The following ARL15 variants were observed in gnomAD, a reference collection of about 807,000 sequenced individuals.
The protein encoded by ARL15 is ARF like GTPase 15.
Under a neutral mutation model 25.2 loss-of-function variants are expected in ARL15, and 19 were observed. That is an observed-to-expected ratio of 0.75 (90% CI 0.53 to 1.10). The LOEUF is 1.10. Ranked by LOEUF, ARL15 falls within the 50% of genes least tolerant of loss-of-function variation. The pLI, the probability that ARL15 is intolerant of heterozygous loss-of-function variation, is 0.00. For missense variants in ARL15, 220 were observed against 246.0 expected, an observed-to-expected ratio of 0.89 and a Z score of 0.71; for synonymous variants, 94 against 86.8, an observed-to-expected ratio of 1.08 and a Z score of -0.46.
At chr5:54,153,874 A>G (rs552660303) in intron 3 of ARL15, among the ~76,000 whole-genome samples, 27 of 152,182 alleles carry the variant, frequency 1.8e-4, no homozygotes, top group African/African-American at 6.3e-4. Flanking sequence ...GTGATTAAAG[A>G]GATGGAAGAT....
At chr5:53,910,633 T>TATATATATATA (rs1491507286) in intron 4 of ARL15, among the ~76,000 whole-genome samples, 5 of 55,000 alleles carry the variant, frequency 9.1e-5, no homozygotes, top group African/African-American at 2.2e-4. Context: ...TAAAAAAAAA[T>TATATATATATA]TATATATATA....
chr5:54,076,225 G>A (rs1404244621), intron 4 of ARL15, among the ~76,000 whole-genome samples: 1 of 150,996 alleles, frequency 6.6e-6, no homozygotes, highest in Non-Finnish European at 1.5e-5. Context: ...GACCATCCTG[G>A]CTAATACAGT....
chr5:54,041,796 A>AGGAACTCTGAATCAG (rs1486431513), intron 4 of ARL15, among the ~76,000 whole-genome samples: 2 of 152,216 alleles, frequency 1.3e-5, no homozygotes, highest in African/African-American at 2.4e-5. Context: ...TTGACGCCCC[A>AGGAACTCTGAATCAG]GGAACTCTGA....
Position 54,122,453 on chromosome 5 carries a change from C to G in ARL15, c.254-9043G>C, listed in dbSNP as rs1013023987. ...CATGCGTGCGCAATGTGCGTGTATA[C>G]GCATACCTTTGAGAGATGATGTTAC... On this transcript the variant is annotated intron_variant, in intron 3 of 4. Coordinates refer to ENST00000504924, the MANE Select transcript of ARL15 (RefSeq NM_019087.3). Among the ~76,000 whole-genome samples the G allele has an allele frequency of 1.3e-5, 2 of 152,246 alleles. 1 individual carries two copies. Among genetic ancestry groups the G allele is most frequent in the South Asian group, 4.1e-4 (2 of 4,832 alleles).
chr5:54,208,218 C>A (rs1462854745), intron 1 of ARL15, among the ~76,000 whole-genome samples: 1 of 152,108 alleles, frequency 6.6e-6, no homozygotes, highest in Admixed American at 6.5e-5. Flanking sequence ...CTCACTCTTG[C>A]ACACAGAACT....
intron 3 of ARL15, among the ~76,000 whole-genome samples, chr5:54,145,109 TA>T (rs1198889326): frequency 6.6e-6 from 1 of 152,200 alleles, no homozygotes; most frequent in Non-Finnish European, 1.5e-5. Context: ...GAATTTTGGC[TA>T]TGGAAGAAAA....
chr5:54,051,842 T>C (rs1411786963), intron 4 of ARL15, among the ~76,000 whole-genome samples: 1 of 152,202 alleles, frequency 6.6e-6, no homozygotes, highest in East Asian at 1.9e-4. Context: ...TATATGCAAA[T>C]GTTTGTAGCA....
intron 4 of ARL15, among the ~76,000 whole-genome samples, chr5:53,919,521 A>G (rs2112011108): frequency 6.6e-6 from 1 of 152,278 alleles, no homozygotes; most frequent in Middle Eastern, 3.4e-3. Context: ...AAACAATAAT[A>G]CAAGTGAGAA....
At chr5:54,091,657 G>C (rs1196151720) in intron 4 of ARL15, among the ~76,000 whole-genome samples, 1 of 152,124 alleles carries the variant, frequency 6.6e-6, no homozygotes, top group African/African-American at 2.4e-5. Context: ...GTGCCCACCT[G>C]TCAACTGACA....
chr5:54,070,388 T>C (rs1751382228), intron 4 of ARL15, among the ~76,000 whole-genome samples: 1 of 150,920 alleles, frequency 6.6e-6, no homozygotes, highest in Non-Finnish European at 1.5e-5. Flanking sequence ...CGAGACTCCG[T>C]CTCAAAAAAA....
chr5:54,221,390 G>A (rs991195026), intron 1 of ARL15, among the ~76,000 whole-genome samples: 1 of 152,186 alleles, frequency 6.6e-6, no homozygotes, highest in East Asian at 1.9e-4. Flanking sequence ...TAGTTGAAGA[G>A]GGATTTGCTG....
intron 4 of ARL15, among the ~76,000 whole-genome samples, chr5:54,071,204 T>C (rs796092903): frequency 7.2e-5 from 11 of 152,200 alleles, no homozygotes; most frequent in African/African-American, 2.6e-4. Context: ...CTTTTGTTTA[T>C]AAATTACCCA....
intron 1 of ARL15, among the ~76,000 whole-genome samples, chr5:54,217,371 T>C (rs1016855105): frequency 2.2e-4 from 34 of 152,098 alleles, no homozygotes; most frequent in African/African-American, 8.0e-4. Context: ...TTAGTTATAT[T>C]TAGCCTAGAG....
At chr5:54,089,246 T>A (rs984230451) in intron 4 of ARL15, among the ~76,000 whole-genome samples, 1 of 152,336 alleles carries the variant, frequency 6.6e-6, no homozygotes, top group East Asian at 1.9e-4. Context: ...GTGGCATCTA[T>A]TAACTTTTCT....
chr5:53,960,611 G>C (rs1176351540), intron 4 of ARL15, among the ~76,000 whole-genome samples: 1 of 152,186 alleles, frequency 6.6e-6, no homozygotes, highest in African/African-American at 2.4e-5. Context: ...AAGATGTTTT[G>C]TAAAATAGGT....
chr5:54,026,969 T>C (rs1749802450), intron 4 of ARL15, among the ~76,000 whole-genome samples: 1 of 152,160 alleles, frequency 6.6e-6, no homozygotes, highest in Non-Finnish European at 1.5e-5. Context: ...ATAAGCCACA[T>C]GAACCATAGC....
At chr5:53,945,450 G>C (rs1746695299) in intron 4 of ARL15, among the ~76,000 whole-genome samples, 1 of 152,132 alleles carries the variant, frequency 6.6e-6, no homozygotes. Context: ...CAAGGGTGAA[G>C]GTTTAACCTC....
chr5:54,157,561 A>G lies in ARL15; in HGVS notation c.194-2922T>C, dbSNP rs540485658. Among the ~76,000 whole-genome samples, 6 of 151,992 alleles carry G rather than the reference A, an allele frequency of 3.9e-5. No individual in the cohort carries two copies. The South Asian group carries it at 1.2e-3, about 32-fold the overall frequency. ...TGAGTAGCCGGGACTACAGGCACCC[A>G]CCACCACGCCCAGCTAATGTTTTGT... On this transcript the variant is annotated intron_variant, in intron 2 of 4. Coordinates refer to ENST00000504924, the MANE Select transcript of ARL15 (RefSeq NM_019087.3).
At chr5:54,173,721 A>G (rs746420323) in intron 1 of ARL15, among the ~76,000 whole-genome samples, 2 of 152,030 alleles carry the variant, frequency 1.3e-5, no homozygotes, top group Admixed American at 1.3e-4. Flanking sequence ...GATTGCTTAT[A>G]AAGAGAAAAT....
Sources: allele counts gnomAD v4.1 joint callset (sites outside exome capture counted in the v4.1 genomes callset), GRCh38; gene constraint gnomAD v4.1.1; transcripts MANE v1.5; gene names NCBI Gene and HGNC (gene_info 2026-07-23, HGNC 2026-07-21).